Variants in SYTL2 observed in about 807,000 individuals in gnomAD.
SYTL2 encodes synaptotagmin-like protein 2.
A neutral mutation model predicts 198.7 loss-of-function variants in SYTL2; 165 were observed. The ratio of observed to expected loss-of-function variants is 0.83; its 90% CI spans 0.73 to 0.94. The LOEUF is 0.94. SYTL2 is among the 40% of genes least tolerant of loss of function. The pLI is 0.00. For synonymous variants in SYTL2, 966 were observed against 917.7 expected (o/e 1.05, Z -0.95); for missense variants, 2,835 against 2,582.8 (o/e 1.10, Z -2.12).
the SYTL2 span, among the ~76,000 whole-genome samples, chr11:85,848,055 C>G: frequency 3.4e-4 from 52 of 152,024 alleles, no homozygotes; most frequent in Non-Finnish European, 5.4e-4. Context: ...GACAAGACCC[C>G]CATCTCTACA....
At chr11:85,833,366 G>A in the SYTL2 span, among the ~76,000 whole-genome samples, 1 of 145,682 alleles carries the variant, frequency 6.9e-6, no homozygotes, top group Non-Finnish European at 1.5e-5. Flanking sequence ...ATATATATGA[G>A]ATATATGATA....
chr11:85,845,963 T>G, the SYTL2 span, among the ~76,000 whole-genome samples: 3 of 152,178 alleles, frequency 2.0e-5, no homozygotes, highest in Non-Finnish European at 4.4e-5. Context: ...CCACCACCAC[T>G]TTATTACAGC....
chr11:85,762,824 G>A (rs184023079), intron 1 of SYTL2, among the ~76,000 whole-genome samples: 138 of 152,152 alleles, frequency 9.1e-4, no homozygotes, highest in African/African-American at 3.0e-3. Flanking sequence ...CTCATCACAC[G>A]GTCTCAAATC....
At chr11:85,779,944 A>G (rs774247407) in intron 1 of SYTL2, among the ~76,000 whole-genome samples, 3 of 152,172 alleles carry the variant, frequency 2.0e-5, no homozygotes, top group Non-Finnish European at 4.4e-5. Context: ...CTCTCTTGCT[A>G]TGTGATGCTG....
In SYTL2 at chr11:85,785,949, A is replaced by C. The variant is rs192883395; in HGVS notation, c.-390+25005T>G. Among the ~76,000 whole-genome samples, 624 of 152,358 alleles carry C rather than the reference A, an allele frequency of 4.1e-3. 6 individuals carry two copies. The highest frequency in any genetic ancestry group is 0.014 in the African/African-American group (595 of 41,586). On this transcript the variant is annotated intron_variant, in intron 1 of 19. Transcript: ENST00000359152. ...ATGTTACATAATACTATGTTTAAAA[A>C]AGTCCTGTTCATTCCAGCTTTATTT...
the SYTL2 span, among the ~76,000 whole-genome samples, chr11:85,828,249 G>A: frequency 1.3e-5 from 2 of 152,096 alleles, no homozygotes; most frequent in African/African-American, 2.4e-5. Flanking sequence ...ATGAATTAAT[G>A]TTATACTAAA....
At chr11:85,777,729 G>A (rs571798314) in intron 1 of SYTL2, among the ~76,000 whole-genome samples, 1 of 148,206 alleles carries the variant, frequency 6.7e-6, no homozygotes, top group South Asian at 2.2e-4. Flanking sequence ...GTCCTTAACA[G>A]AGTAGGCTTC....
chr11:85,765,421 G>C (rs1411519597), intron 1 of SYTL2, among the ~76,000 whole-genome samples: 1 of 152,174 alleles, frequency 6.6e-6, no homozygotes, highest in Non-Finnish European at 1.5e-5. Flanking sequence ...GTGTTTAGTA[G>C]AGACGGGGTT....
At chr11:85,850,850 A>C in the SYTL2 span, among the ~76,000 whole-genome samples, 4 of 150,112 alleles carry the variant, frequency 2.7e-5, no homozygotes, top group Admixed American at 2.0e-4. Context: ...GCAGCCATAA[A>C]AAATGATGAG....
Position 85,807,264 on chromosome 11 carries a change from A to G in SYTL2, c.-390+3690T>C, listed in dbSNP as rs143699119. Among the ~76,000 whole-genome samples, 89 of 152,358 alleles carry G rather than the reference A, an allele frequency of 5.8e-4. 2 individuals carry two copies. The highest frequency in any genetic ancestry group is 9.8e-4 in the Admixed American group (15 of 15,308). Reference sequence around the variant, plus strand: ...CAATGAGATACTAGCCACCAAGGAAACCTACATTCTTTGAAGAAAACTTGA... The same window carrying G: ...CAATGAGATACTAGCCACCAAGGAAGCCTACATTCTTTGAAGAAAACTTGA... On this transcript the variant is annotated intron_variant, in intron 1 of 19. Coordinates refer to ENST00000359152, the MANE Select transcript of SYTL2 (RefSeq NM_206927.4).
intron 1 of SYTL2, among the ~76,000 whole-genome samples, chr11:85,809,436 T>C (rs983543089): frequency 3.9e-5 from 6 of 152,214 alleles, no homozygotes; most frequent in African/African-American, 1.4e-4. Flanking sequence ...ATAATAGCTC[T>C]AAGATGTTTT....
intron 7 of SYTL2, among the ~76,000 whole-genome samples, chr11:85,733,425 G>A (rs2153484688): frequency 6.6e-6 from 1 of 152,042 alleles, no homozygotes; most frequent in South Asian, 2.1e-4. Context: ...GTGCTATCCT[G>A]GTACTTTTAG....
chr11:85,829,398 C>T, the SYTL2 span, among the ~76,000 whole-genome samples: 1 of 152,134 alleles, frequency 6.6e-6, no homozygotes, highest in Non-Finnish European at 1.5e-5. Context: ...TTTTTTATGG[C>T]TGTGTAGTAT....
intron 2 of SYTL2, among the ~76,000 whole-genome samples, chr11:85,751,360 C>T (rs2091499134): frequency 6.6e-6 from 1 of 152,102 alleles, no homozygotes. Flanking sequence ...AAAATCTTCT[C>T]GTTTTCCAGC....
At chr11:85,787,809 G>A (rs550729264) in intron 1 of SYTL2, among the ~76,000 whole-genome samples, 1 of 149,610 alleles carries the variant, frequency 6.7e-6, no homozygotes, top group South Asian at 2.1e-4. Flanking sequence ...TCTAAGAATG[G>A]TGGGCTAGAG....
intron 1 of SYTL2, among the ~76,000 whole-genome samples, chr11:85,772,748 A>G (rs929658319): frequency 6.6e-6 from 1 of 152,222 alleles, no homozygotes; most frequent in African/African-American, 2.4e-5. Context: ...TGCCTCACAG[A>G]AGGATAAAAA....
chr11:85,803,307 T>C (rs763744144), intron 1 of SYTL2, among the ~76,000 whole-genome samples: 9 of 152,200 alleles, frequency 5.9e-5, no homozygotes, highest in Non-Finnish European at 1.0e-4. Context: ...AAAATCAACT[T>C]CATTTCTACT....
In SYTL2 at chr11:85,724,948, T is replaced by C. The variant is rs115708955; in HGVS notation, c.4410A>G (p.Gln1470=). The C allele has an allele frequency of 0.023, 36,848 of 1,613,956 alleles. 590 individuals carry two copies. The highest frequency in any genetic ancestry group is 0.051 in the Admixed American group (3,036 of 59,996). Residue 1470 remains glutamine, a synonymous_variant, in exon 8 of 20, where the codon CAA becomes CAG. Transcript: ENST00000359152. ...CTTCCTGAGGGAGGCCTTTGCCATA[T>C]TGAGCAACAATGGAAGCAAATGAGC... The part of the protein sequence containing the change: ...TLSSFASIVA[Q]YGKGLPQEVE...
chr11:85,699,447 G>A (rs900876812), intron 17 of SYTL2, among the ~76,000 whole-genome samples: 1 of 152,190 alleles, frequency 6.6e-6, no homozygotes, highest in African/African-American at 2.4e-5. Context: ...GACTTTAAAT[G>A]ATAGGATACA....
Sources: allele counts gnomAD v4.1 joint callset (sites outside exome capture counted in the v4.1 genomes callset), GRCh38; gene constraint gnomAD v4.1.1; transcripts MANE v1.5; gene names NCBI Gene and HGNC (gene_info 2026-07-23, HGNC 2026-07-21).